HSD17B4: variants seen among roughly 807,000 people sequenced by gnomAD.
HSD17B4 encodes peroxisomal multifunctional enzyme type 2.
HSD17B4 carries 70 observed loss-of-function variants against 101.0 expected under a neutral mutation model. The observed-to-expected ratio is 0.69, with a 90% CI of 0.57 to 0.85. The LOEUF (loss-of-function observed/expected upper bound fraction) is 0.85, where lower values mean the gene tolerates loss of function less well. Ranked by LOEUF, HSD17B4 falls within the 40% of genes least tolerant of loss-of-function variation. HSD17B4 has a pLI of 0.00. For synonymous variants in HSD17B4, 347 were observed against 297.1 expected, an observed-to-expected ratio of 1.17 and a Z score of -1.73; for missense variants, 984 against 892.4, an observed-to-expected ratio of 1.10 and a Z score of -1.31.
chr5:119,458,430 G>C (rs779430660), intron 2 of HSD17B4, among the ~76,000 whole-genome samples: 11 of 150,692 alleles, frequency 7.3e-5, no homozygotes, highest in Non-Finnish European at 1.2e-4. Context: ...TGCAACGTCT[G>C]CCTCCGGGTT....
At chr5:119,509,281 T>G (rs759031316) in intron 16 of HSD17B4, 37 bp downstream of exon 16, 27 of 1,143,620 alleles carry the variant, frequency 2.4e-5, no homozygotes, top group Non-Finnish European at 3.6e-5. Context: ...ATATGTGTAG[T>G]TAAGGATTCT....
rs1048786986 is a variant in HSD17B4, at chr5:119,470,195, T to G, written c.113-3713T>G. Among the ~76,000 whole-genome samples, 37 of 143,716 alleles carry G rather than the reference T, an allele frequency of 2.6e-4. 1 individual carries two copies. The highest frequency in any genetic ancestry group is 3.5e-4 in the Non-Finnish European group (23 of 65,940). The allele number at this position is 143,716 out of a possible 152,430, so 94.3% of individuals were successfully genotyped here. The stretch of plus-strand genomic sequence containing the variant: ...CGTCCCCATTGTACTTGAATGTCTG[T>G]TTTTTTTTTTGGAGTGTAGGGTGCT... On this transcript the variant is annotated intron_variant, in intron 2 of 23. Transcript: ENST00000510025.
At chr5:119,496,373 G>A (rs1040041038) in intron 11 of HSD17B4, among the ~76,000 whole-genome samples, 170 bp from the exon 12 acceptor site, 21 of 152,084 alleles carry the variant, frequency 1.4e-4, no homozygotes, top group Non-Finnish European at 7.4e-5. Context: ...TCAGTCTTTC[G>A]CAATTTTTTC....
chr5:119,467,971 T>TA (rs975968130), intron 2 of HSD17B4, among the ~76,000 whole-genome samples: 4 of 152,184 alleles, frequency 2.6e-5, no homozygotes, highest in African/African-American at 9.6e-5. Flanking sequence ...GTTGAGTATT[T>TA]AAAAAAATCT....
intron 10 of HSD17B4, chr5:119,492,979 A>G (rs1750253279): frequency 6.6e-6 from 1 of 152,110 alleles, no homozygotes; most frequent in South Asian, 2.1e-4. Flanking sequence ...ATTAATGGTC[A>G]TTTTCTCTAA....
chr5:119,493,443 G>C, intron 10 of HSD17B4: 1 of 225,326 alleles, frequency 4.4e-6, no homozygotes, highest in South Asian at 6.3e-5. Flanking sequence ...GCTCTATTCA[G>C]TTATCTTCAT....
chr5:119,536,468 C>A lies in HSD17B4; in HGVS notation c.2039C>A (p.Ala680Glu). The A allele has an allele frequency of 6.2e-7, 1 of 1,612,282 alleles. No individual in the cohort carries two copies. ...SGSGKVYQGP[A>E]KGAADTTIIL... Reference sequence around the variant, plus strand: ...TCTGGAAAAGTGTACCAAGGCCCTGCAAAAGGTGCTGCTGATACAACAATC... The same window carrying A: ...TCTGGAAAAGTGTACCAAGGCCCTGAAAAAGGTGCTGCTGATACAACAATC... Residue 680 changes from alanine (A) to glutamate (E), a missense_variant, in exon 23 of 24, where the codon GCA becomes GAA. By Grantham distance (107) the Ala-to-Glu change is moderately radical. Coordinates refer to ENST00000510025, the MANE Select transcript of HSD17B4 (RefSeq NM_000414.4).
At chr5:119,490,288 G>GA (rs1749986665) in intron 9 of HSD17B4, among the ~76,000 whole-genome samples, 2 of 152,078 alleles carry the variant, frequency 1.3e-5, no homozygotes, top group African/African-American at 4.8e-5. Context: ...TATAGAAGAG[G>GA]AAAATTTAAT....
intron 19 of HSD17B4, among the ~76,000 whole-genome samples, 183 bp downstream of exon 19, chr5:119,526,206 A>C (rs1753579906): frequency 6.6e-6 from 1 of 151,876 alleles, no homozygotes; most frequent in South Asian, 2.1e-4. Context: ...TCTGTTGCAC[A>C]TGCACCAGGA....
At chr5:119,467,403 T>C (rs77491481) in intron 2 of HSD17B4, among the ~76,000 whole-genome samples, 1 of 152,250 alleles carries the variant, frequency 6.6e-6, no homozygotes, top group South Asian at 2.1e-4. Flanking sequence ...AGTTCCCAAC[T>C]ATTATTGTGT....
intron 2 of HSD17B4, among the ~76,000 whole-genome samples, chr5:119,467,699 A>T (rs578024385): frequency 6.6e-6 from 1 of 152,356 alleles, no homozygotes; most frequent in South Asian, 2.1e-4. Flanking sequence ...TACAGTATTC[A>T]TAGGATATGA....
At chr5:119,479,087 A>G in intron 8 of HSD17B4, 66 bp downstream of exon 8, 1 of 1,182,820 alleles carries the variant, frequency 8.5e-7, no homozygotes, top group Non-Finnish European at 1.3e-6. Context: ...GAGCTTTACA[A>G]AAGTATTTAA....
At chr5:119,471,060 T>C (rs1227410291) in intron 2 of HSD17B4, among the ~76,000 whole-genome samples, 1 of 152,244 alleles carries the variant, frequency 6.6e-6, no homozygotes, top group Non-Finnish European at 1.5e-5. Context: ...CATTGCACAA[T>C]CAAACAATGC....
chr5:119,506,893 A>T lies in HSD17B4; in HGVS notation c.1333+4A>T. ...GGTGTAGTGATTATTATGGATGGTA[A>T]TTTATTTACAATTCTTATAATAATA... is the stretch of plus-strand genomic sequence containing the variant. On this transcript the variant is annotated splice_donor_region_variant and intron_variant, in intron 15 of 23. Coordinates refer to ENST00000510025, the MANE Select transcript of HSD17B4 (RefSeq NM_000414.4). 1 of 1,406,954 alleles carries T rather than the reference A, an allele frequency of 7.1e-7. No individual in the cohort carries two copies. The highest frequency in any genetic ancestry group is 1.0e-6 in the Non-Finnish European group (1 of 992,986). 87.2% of individuals were successfully genotyped at this position (1,406,954 alleles called of 1,614,324 possible).
At chr5:119,453,941 C>T (rs563261953) in intron 1 of HSD17B4, among the ~76,000 whole-genome samples, 2 of 152,132 alleles carry the variant, frequency 1.3e-5, no homozygotes, top group Non-Finnish European at 2.9e-5. Flanking sequence ...CATTCTAAGA[C>T]GTTTTTGCCA....
intron 8 of HSD17B4, among the ~76,000 whole-genome samples, chr5:119,481,695 C>G (rs966902595): frequency 6.6e-6 from 1 of 152,018 alleles, no homozygotes; most frequent in African/African-American, 2.4e-5. Context: ...ATGGAGTGAG[C>G]ACATGCTGTT....
chr5:119,533,885 T>C (rs1754327149), intron 22 of HSD17B4, among the ~76,000 whole-genome samples: 2 of 152,120 alleles, frequency 1.3e-5, no homozygotes, highest in Admixed American at 6.6e-5. Context: ...TTTCCATTTG[T>C]CTGTAAACAA....
At chr5:119,509,117 T>C in intron 15 of HSD17B4, 24 bp from the exon 16 acceptor site, 1 of 1,294,898 alleles carries the variant, frequency 7.7e-7, no homozygotes, top group East Asian at 2.3e-5. Context: ...ACTTCTTTTA[T>C]TTTTTCTTTT....
At chr5:119,541,359 G>A (rs1028708370) in intron 23 of HSD17B4, among the ~76,000 whole-genome samples, 28 of 152,128 alleles carry the variant, frequency 1.8e-4, no homozygotes, top group Non-Finnish European at 7.4e-5. Context: ...AACTCACAGA[G>A]GCCACGTATC....
Sources: allele counts gnomAD v4.1 joint callset (sites outside exome capture counted in the v4.1 genomes callset), GRCh38; gene constraint gnomAD v4.1.1; transcripts MANE v1.5; gene names NCBI Gene and HGNC (gene_info 2026-07-23, HGNC 2026-07-21).